The following TMEM87A variants were observed in gnomAD, a reference collection of about 807,000 sequenced individuals.
TMEM87A encodes Golgi-pH regulating cation channel.
Under a neutral mutation model 90.0 loss-of-function variants are expected in TMEM87A, and 50 were observed. That is an observed-to-expected ratio of 0.56 (90% CI 0.44 to 0.70). The LOEUF is 0.70. Ranked by LOEUF, TMEM87A falls within the 30% of genes least tolerant of loss-of-function variation. TMEM87A has a pLI of 0.00. For synonymous variants in TMEM87A, 226 were observed against 226.7 expected (o/e 1.00, Z 0.03); for missense variants, 577 against 660.5 (o/e 0.87, Z 1.39).
At chr15:42,227,249 T>A (rs2050611872) in intron 14 of TMEM87A, among the ~76,000 whole-genome samples, 2 of 152,190 alleles carry the variant, frequency 1.3e-5, no homozygotes, top group African/African-American at 4.8e-5. Context: ...TAGGTTGGTA[T>A]ACTTTATAAT....
At chr15:42,244,201 C>A (rs764156647) in intron 6 of TMEM87A, 34 bp from the exon 7 acceptor site, 8 of 1,421,262 alleles carry the variant, frequency 5.6e-6, no homozygotes, top group Non-Finnish European at 7.6e-6. Context: ...ATCTATAAAT[C>A]TTAAGAATTA....
chr15:42,228,203 G>C (rs1234308860), intron 13 of TMEM87A, among the ~76,000 whole-genome samples: 6 of 152,160 alleles, frequency 3.9e-5, no homozygotes. Context: ...AGAAGAGCTA[G>C]TTCCAATCAT....
chr15:42,250,360 A>G (rs1008827575), intron 6 of TMEM87A, among the ~76,000 whole-genome samples: 1 of 152,156 alleles, frequency 6.6e-6, no homozygotes, highest in Non-Finnish European at 1.5e-5. Flanking sequence ...TCTTCCTAGC[A>G]TCGATGGTCT....
rs949517458 is a variant in TMEM87A at position 42,226,726 on chromosome 15, A to T, written c.1403+80T>A. The T allele has an allele frequency of 6.5e-6, 8 of 1,223,666 alleles. No individual in the cohort carries two copies. The South Asian group carries it at 8.7e-5, about 13-fold the overall frequency. 75.8% of individuals were successfully genotyped at this position (1,223,666 alleles called of 1,614,324 possible). A position where few individuals can be genotyped will look rare whatever the true frequency, so the allele number is the denominator to read the frequency against. On this transcript the variant is annotated intron_variant, in intron 15 of 19. Transcript: ENST00000389834. ...CCTTCCACTATATGACACAGCCCTG[A>T]TACTGTCCCCCAATGCACCACCCCT...
Position 42,260,944 on chromosome 15 carries a change from C to T in TMEM87A, c.504+14G>A. On this transcript the variant is annotated intron_variant, in intron 6 of 19. Transcript: ENST00000389834. ...AATATGTGTTCAATGCCCCAAATCC[C>T]CAAATATACTTACGGTTTTGTCTCC... 1 of 1,605,866 alleles carries T rather than the reference C, an allele frequency of 6.2e-7. No homozygotes were observed. Among genetic ancestry groups the T allele is most frequent in the East Asian group, 2.2e-5 (1 of 44,586 alleles).
At chr15:42,233,647 CCCCTTTCCA>C (rs1447434928) in intron 10 of TMEM87A, among the ~76,000 whole-genome samples, 2 of 152,176 alleles carry the variant, frequency 1.3e-5, no homozygotes, top group Non-Finnish European at 2.9e-5. Flanking sequence ...CATACCCCAT[CCCCTTTCCA>C]CCCTTTCATA....
Position 42,210,765 on chromosome 15 carries a change from C to CT in TMEM87A, c.*942dup, listed in dbSNP as rs2050269932. 6.5e-6 allele frequency: 1 copy of CT among 152,716 alleles called. No individual in the cohort carries two copies. The allele number at this position is 152,716 out of a possible 1,614,324, so 9.5% of individuals were successfully genotyped here. On this transcript the variant is annotated 3_prime_UTR_variant, in exon 20 of 20. Coordinates refer to ENST00000389834, the MANE Select transcript of TMEM87A (RefSeq NM_015497.5). ...GCCTCCACGCTACTTCATGCAATAA[C>CT]TGTTTAAATTAAGCCAGCAGGACCT...
At chr15:42,213,930 G>A (rs1466204858) in intron 19 of TMEM87A, among the ~76,000 whole-genome samples, 3 of 152,148 alleles carry the variant, frequency 2.0e-5, no homozygotes, top group African/African-American at 7.2e-5. Flanking sequence ...TTATTTGAAA[G>A]AGAATGCAAA....
rs775404211 is a variant in TMEM87A at position 42,220,096 on chromosome 15, A to C, written c.1443T>G (p.Asp481Glu). The C allele has an allele frequency of 6.2e-7, 1 of 1,609,350 alleles. No homozygotes were observed. The highest frequency in any genetic ancestry group is 8.5e-7 in the Non-Finnish European group (1 of 1,178,558). Residue 481 changes from aspartate to glutamate, a missense_variant, in exon 16 of 20, where the codon GAT (aspartate) becomes GAG (glutamate). Transcript: ENST00000389834. ...FSPLSEEEEE[D>E]EQKEPMLKES... is the part of the protein sequence containing the mutation. ...CTTTCAGCATAGGCTCCTTTTGTTCATCCTCCTCCTCTTCCTCAGACAATG... is the reference window on the plus strand; with the variant it reads ...CTTTCAGCATAGGCTCCTTTTGTTCCTCCTCCTCCTCTTCCTCAGACAATG...
chr15:42,258,372 G>T (rs372034310), intron 6 of TMEM87A: 1 of 657,478 alleles, frequency 1.5e-6, no homozygotes, highest in Non-Finnish European at 1.9e-6. Context: ...TATGTATATC[G>T]TCTCCATTTT....
intron 6 of TMEM87A, chr15:42,257,956 G>A (rs1339915651): frequency 3.1e-6 from 3 of 982,260 alleles, no homozygotes; most frequent in Non-Finnish European, 1.2e-6. Flanking sequence ...AATTACAAAG[G>A]ATTTTTACTT....
At chr15:42,243,197 G>C (rs1248455334) in intron 7 of TMEM87A, among the ~76,000 whole-genome samples, 1 of 151,978 alleles carries the variant, frequency 6.6e-6, no homozygotes, top group Non-Finnish European at 1.5e-5. Flanking sequence ...GAACCCAGGA[G>C]GCGGAGCTTG....
At chr15:42,258,680 G>C (rs2051228816) in intron 6 of TMEM87A, 1 of 1,162,714 alleles carries the variant, frequency 8.6e-7, no homozygotes, top group Non-Finnish European at 1.1e-6. Flanking sequence ...GCCCACCTTG[G>C]CCTCCCAAAG....
At chr15:42,233,832 A>G (rs1299082541) in intron 10 of TMEM87A, among the ~76,000 whole-genome samples, 1 of 152,082 alleles carries the variant, frequency 6.6e-6, no homozygotes, top group Non-Finnish European at 1.5e-5. Context: ...GCTGAAGTGC[A>G]GTGGCCCAGT....
At chr15:42,258,160 G>A (rs2051218442) in intron 6 of TMEM87A, 1 of 975,016 alleles carries the variant, frequency 1.0e-6, no homozygotes, top group African/African-American at 1.8e-5. Context: ...CACTATACAA[G>A]CATTTAAGTA....
In TMEM87A at chr15:42,273,377, G is replaced by A; in HGVS notation, c.22C>T (p.Gln8Ter). 5 of 1,614,048 alleles carry A rather than the reference G, an allele frequency of 3.1e-6. No individual in the cohort carries two copies. Among genetic ancestry groups the A allele is most frequent in the Non-Finnish European group, 4.2e-6 (5 of 1,180,028 alleles). The change falls in exon 1 of 20, where the codon CAG becomes TAG. Residue 8 changes from glutamine (Q) to a stop codon, truncating the protein, a stop_gained. Transcript: ENST00000389834. LOFTEE classifies it high-confidence loss of function. MAAAAWL[Q>*]VLPVILLLLG... ...AGCAGAAGAATGACAGGCAACACCT[G>A]AAGCCACGCAGCCGCCGCCATCTTC...
intron 7 of TMEM87A, among the ~76,000 whole-genome samples, chr15:42,243,423 A>G (rs2050911248): frequency 6.6e-6 from 1 of 151,804 alleles, no homozygotes; most frequent in South Asian, 2.1e-4. Flanking sequence ...AATTCCACGT[A>G]AAAGATGATG....
At chr15:42,219,449 G>C (rs1415575699) in intron 17 of TMEM87A, 132 bp downstream of exon 17, 8 of 667,710 alleles carry the variant, frequency 1.2e-5, no homozygotes, top group Admixed American at 1.1e-4. Context: ...CTGTGCTTTT[G>C]GGGTCATATA....
At chr15:42,262,472 T>TCC in intron 4 of TMEM87A, among the ~76,000 whole-genome samples, 1 of 136,616 alleles carries the variant, frequency 7.3e-6, no homozygotes, top group Non-Finnish European at 1.5e-5. Flanking sequence ...CAAGTTTCAC[T>TCC]CTTGTCGCCC....
Sources: allele counts gnomAD v4.1 joint callset (sites outside exome capture counted in the v4.1 genomes callset), GRCh38; gene constraint gnomAD v4.1.1; transcripts MANE v1.5; gene names NCBI Gene and HGNC (gene_info 2026-07-23, HGNC 2026-07-21).